LINGO2: variants seen among roughly 807,000 people sequenced by gnomAD.
LINGO2 encodes leucine rich repeat and Ig domain containing 2, also known as leucine-rich repeat and immunoglobulin-like domain-containing nogo receptor-interacting protein 2.
LINGO2 carries 14 observed loss-of-function variants against 30.6 expected under a neutral mutation model. That is an observed-to-expected ratio of 0.46 (90% CI 0.30 to 0.72). The LOEUF (loss-of-function observed/expected upper bound fraction) is 0.72, where lower values mean the gene tolerates loss of function less well. Ranked by LOEUF, LINGO2 falls within the 30% of genes least tolerant of loss-of-function variation. The probability of loss-of-function intolerance (pLI) is 0.07; values close to 1 mark genes in which losing one functional copy is unlikely to be tolerated. For synonymous variants in LINGO2, 317 were observed against 288.5 expected (o/e 1.10, Z -1.00); for missense variants, 729 against 751.7 (o/e 0.97, Z 0.35).
At chr9:28,883,009 G>T in the LINGO2 span, among the ~76,000 whole-genome samples, 1 of 152,032 alleles carries the variant, frequency 6.6e-6, no homozygotes, top group Non-Finnish European at 1.5e-5. Context: ...TGTGTTAACT[G>T]GCCTTCCCCA....
At chr9:29,047,659 T>C in the LINGO2 span, among the ~76,000 whole-genome samples, 1 of 152,100 alleles carries the variant, frequency 6.6e-6, no homozygotes. Context: ...GGCTTCCAAA[T>C]TGGAAAGGAA....
At chr9:28,767,492 A>G in the LINGO2 span, among the ~76,000 whole-genome samples, 23 of 152,144 alleles carry the variant, frequency 1.5e-4, no homozygotes, top group African/African-American at 4.8e-4. Flanking sequence ...CCATTAAAAA[A>G]GTTTATGCCT....
rs539054759 is a variant in LINGO2 at position 28,190,896 on chromosome 9, C to T, written c.-87+104312G>A. On this transcript the variant is annotated intron_variant, in intron 4 of 5. Transcript: ENST00000379992. ...ATATTAATGAATTATGAGAATTTAA[C>T]AACTAATATACCAGACAGATGTCAG... Among the ~76,000 whole-genome samples the T allele has an allele frequency of 6.6e-5, 10 of 152,294 alleles. No homozygotes were observed. The South Asian group carries it at 1.9e-3, about 28-fold the overall frequency.
chr9:28,068,059 G>A (rs976580126), intron 4 of LINGO2, among the ~76,000 whole-genome samples: 9 of 152,138 alleles, frequency 5.9e-5, no homozygotes, highest in African/African-American at 2.2e-4. Flanking sequence ...AATGACTAAA[G>A]TCTCTGTCTT....
At chr9:28,771,500 TGTGTGTGAGA>T in the LINGO2 span, among the ~76,000 whole-genome samples, 1,042 of 68,542 alleles carry the variant, frequency 0.015, 7 homozygotes, top group East Asian at 0.046. Context: ...TGTGTGTGTG[TGTGTGTGAGA>T]GAGAGAGAGA....
downstream of LINGO2, among the ~76,000 whole-genome samples, chr9:27,945,393 A>G (rs1224228260): frequency 6.6e-6 from 1 of 152,128 alleles, no homozygotes; most frequent in African/African-American, 2.4e-5. Context: ...AGAATATTTG[A>G]CAGAATAATG....
At chr9:28,171,683 T>C (rs1016547676) in intron 4 of LINGO2, among the ~76,000 whole-genome samples, 3 of 152,080 alleles carry the variant, frequency 2.0e-5, no homozygotes, top group Admixed American at 6.5e-5. Context: ...GGTCAAAATG[T>C]GGGCCTCTGG....
At chr9:28,439,583 G>A (rs1235843298) in intron 2 of LINGO2, among the ~76,000 whole-genome samples, 2 of 152,022 alleles carry the variant, frequency 1.3e-5, no homozygotes, top group African/African-American at 4.8e-5. Flanking sequence ...AGATCTAGTT[G>A]TTTTAAAGCA....
At chr9:27,985,863 G>C (rs2118968390) in intron 5 of LINGO2, among the ~76,000 whole-genome samples, 1 of 151,940 alleles carries the variant, frequency 6.6e-6, no homozygotes, top group South Asian at 2.1e-4. Context: ...GCAATGGTGA[G>C]AGGTTGATGG....
intron 1 of LINGO2, among the ~76,000 whole-genome samples, chr9:28,656,294 C>A (rs1828334902): frequency 6.6e-6 from 1 of 151,618 alleles, no homozygotes; most frequent in African/African-American, 2.4e-5. Context: ...AGTGCGTTAT[C>A]CTATAAAAAA....
chr9:28,804,147 C>G, the LINGO2 span, among the ~76,000 whole-genome samples: 14 of 152,130 alleles, frequency 9.2e-5, no homozygotes, highest in African/African-American at 2.9e-4. Context: ...AGTTCCCCAG[C>G]CTTCCCCATC....
At chr9:28,596,363 CT>C (rs1403948668) in intron 1 of LINGO2, among the ~76,000 whole-genome samples, 2 of 152,130 alleles carry the variant, frequency 1.3e-5, no homozygotes, top group African/African-American at 2.4e-5. Flanking sequence ...AAAGTTGTTT[CT>C]TTTTTTATAA....
At chr9:28,055,470 G>T (rs1270696157) in intron 4 of LINGO2, among the ~76,000 whole-genome samples, 1 of 152,120 alleles carries the variant, frequency 6.6e-6, no homozygotes, top group Non-Finnish European at 1.5e-5. Flanking sequence ...CATAAAATAA[G>T]AACTTGTAAA....
chr9:28,185,527 C>T (rs943939288), intron 4 of LINGO2, among the ~76,000 whole-genome samples: 1 of 152,048 alleles, frequency 6.6e-6, no homozygotes, highest in African/African-American at 2.4e-5. Flanking sequence ...CTGAGAAACC[C>T]CACGGTAATT....
At chr9:28,080,185 C>G (rs1281155893) in intron 4 of LINGO2, among the ~76,000 whole-genome samples, 1 of 152,212 alleles carries the variant, frequency 6.6e-6, no homozygotes, top group Non-Finnish European at 1.5e-5. Flanking sequence ...AAAGTTGTCT[C>G]TTAAAATACA....
chr9:28,054,986 C>T (rs1285456909), intron 4 of LINGO2, among the ~76,000 whole-genome samples: 2 of 151,936 alleles, frequency 1.3e-5, no homozygotes, highest in Non-Finnish European at 2.9e-5. Context: ...ATAAGCTTTA[C>T]TGAAATTTAA....
intron 5 of LINGO2, among the ~76,000 whole-genome samples, chr9:27,960,367 C>G (rs16912073): frequency 0.075 from 11,413 of 152,176 alleles, 1,458 homozygotes; most frequent in African/African-American, 0.26. Flanking sequence ...CAGAGGTGAA[C>G]TGATAGCATT....
Position 28,118,652 on chromosome 9 carries a change from T to C in LINGO2, c.-86-106247A>G, listed in dbSNP as rs966680828. Among the ~76,000 whole-genome samples the C allele has an allele frequency of 1.3e-4, 20 of 152,306 alleles. 1 individual carries two copies. Among genetic ancestry groups the C allele is most frequent in the Middle Eastern group, 6.8e-3 (2 of 294 alleles). ...CACAAAATAACAAACTAGGAATAAA[T>C]TATAATTGCAGCATTCATATACAAT... is the stretch of plus-strand genomic sequence containing the variant. On this transcript the variant is annotated intron_variant, in intron 4 of 5. Transcript: ENST00000379992.
the LINGO2 span, among the ~76,000 whole-genome samples, chr9:28,740,819 T>C: frequency 6.6e-6 from 1 of 152,130 alleles, no homozygotes; most frequent in African/African-American, 2.4e-5. Flanking sequence ...CATTTAGTGA[T>C]GTTCAAAATA....
Sources: allele counts gnomAD v4.1 joint callset (sites outside exome capture counted in the v4.1 genomes callset), GRCh38; gene constraint gnomAD v4.1.1; transcripts MANE v1.5; gene names NCBI Gene and HGNC (gene_info 2026-07-23, HGNC 2026-07-21).